Variants in MYO1H observed in about 807,000 individuals in gnomAD.
MYO1H encodes the protein myosin IH, also known as unconventional myosin-Ih.
MYO1H carries 118 observed loss-of-function variants against 149.3 expected under a neutral mutation model. The ratio of observed to expected loss-of-function variants is 0.79; its 90% CI spans 0.68 to 0.92. The LOEUF is 0.92. MYO1H is among the 40% of genes least tolerant of loss of function. The pLI is 0.00. For missense variants in MYO1H, 1,212 were observed against 1,280.7 expected, an observed-to-expected ratio of 0.95 and a Z score of 0.82; for synonymous variants, 447 against 465.2, an observed-to-expected ratio of 0.96 and a Z score of 0.50.
chr12:109,406,107 CCA>C (rs1376908714), intron 8 of MYO1H, 72 bp downstream of exon 8: 1 of 1,067,374 alleles, frequency 9.4e-7, no homozygotes, highest in African/African-American at 1.6e-5. Context: ...AGCTGGGTGC[CCA>C]CAGTTAGGCC....
At chr12:109,321,168 G>A in the MYO1H span, among the ~76,000 whole-genome samples, 1 of 152,130 alleles carries the variant, frequency 6.6e-6, no homozygotes, top group Admixed American at 6.6e-5. Flanking sequence ...GTTCAACTAA[G>A]AATACCACAC....
At chr12:109,371,138 A>G in intron 1 of MYO1H, among the ~76,000 whole-genome samples, 1 of 151,802 alleles carries the variant, frequency 6.6e-6, no homozygotes, top group African/African-American at 2.4e-5. Context: ...TTCCTTGGGC[A>G]TGCTTTTAGG....
the MYO1H span, among the ~76,000 whole-genome samples, chr12:109,333,554 G>A: frequency 4.6e-5 from 7 of 152,200 alleles, no homozygotes; most frequent in Non-Finnish European, 5.9e-5. Context: ...GAGATGAACT[G>A]AGACTGCAAC....
At chr12:109,397,766 A>G (rs759541379) in exon 5 of MYO1H, 17 of 1,612,148 alleles carry the variant, frequency 1.1e-5, no homozygotes, top group Non-Finnish European at 1.4e-5. Flanking sequence ...CGGAATGACA[A>G]CTCCAGCAGA....
chr12:109,416,494 T>C (rs1440163356), intron 15 of MYO1H, among the ~76,000 whole-genome samples: 3 of 152,162 alleles, frequency 2.0e-5, no homozygotes, highest in Non-Finnish European at 4.4e-5. Flanking sequence ...TTCATTCCTT[T>C]TTATTGCCAA....
rs537807782 is a variant in MYO1H at position 109,440,299 on chromosome 12, G to A, written c.2455-445G>A. ...GATCTGTCCGCCTCAGCCTCCCAAA[G>A]TGCTGGGATTACAGGTGCGAGTCAC... is the stretch of plus-strand genomic sequence containing the variant. On this transcript the variant is annotated intron_variant, in intron 24 of 31. Transcript: ENST00000310903. 4.6e-5 allele frequency among the ~76,000 whole-genome samples: 7 copies of A among 152,272 alleles called. No individual in the cohort carries two copies. In the East Asian group the frequency reaches 1.4e-3, roughly 29 times the overall value.
In MYO1H at chr12:109,429,484, CTATT is replaced by C. The variant is rs201602755; in HGVS notation, c.1949+1902_1949+1905del. Among the ~76,000 whole-genome samples, 752 of 152,152 alleles carry C rather than the reference CTATT, an allele frequency of 4.9e-3. 5 individuals carry two copies. Among genetic ancestry groups the C allele is most frequent in the African/African-American group, 0.017 (725 of 41,486 alleles). The stretch of plus-strand genomic sequence containing the variant: ...ATTAAAAAGCAATATAGTCTAATAT[CTATT>C]TATGTAGTATTTACATAGTATTAGG... On this transcript the variant is annotated intron_variant, in intron 19 of 31. Transcript: ENST00000310903.
the MYO1H span, among the ~76,000 whole-genome samples, chr12:109,313,312 A>C: frequency 6.6e-6 from 1 of 152,170 alleles, no homozygotes; most frequent in African/African-American, 2.4e-5. Context: ...CCCCCTCTCC[A>C]AGGTGCATGC....
At chr12:109,328,157 C>CATATATATATATGCGTGTGTGT in the MYO1H span, among the ~76,000 whole-genome samples, 1 of 142,626 alleles carries the variant, frequency 7.0e-6, no homozygotes, top group African/African-American at 2.6e-5. Flanking sequence ...TATATATATG[C>CATATATATATATGCGTGTGTGT]GTGTGTGTGT....
chr12:109,433,896 C>A (rs1433040658), intron 20 of MYO1H, among the ~76,000 whole-genome samples: 1 of 152,222 alleles, frequency 6.6e-6, no homozygotes, highest in Non-Finnish European at 1.5e-5. Context: ...TCACCAGGCA[C>A]CACCCACTGC....
At chr12:109,444,323 A>G in intron 29 of MYO1H, 40 bp downstream of exon 29, 2 of 1,593,000 alleles carry the variant, frequency 1.3e-6, no homozygotes, top group South Asian at 2.2e-5. Context: ...AGACAGAAAC[A>G]ATACACTGCC....
chr12:109,415,797 C>G (rs4766472), intron 15 of MYO1H, among the ~76,000 whole-genome samples, 177 bp downstream of exon 15: 39,851 of 152,020 alleles, frequency 0.26, 5,403 homozygotes, highest in East Asian at 0.35. Flanking sequence ...TAAATAACCA[C>G]TTTATTGAGA....
At chr12:109,430,507 T>C (rs1021991552) in intron 19 of MYO1H, among the ~76,000 whole-genome samples, 2 of 152,162 alleles carry the variant, frequency 1.3e-5, no homozygotes, top group Admixed American at 1.3e-4. Context: ...GTGGAGACCC[T>C]ATCTTCTCCA....
rs776228054 is a variant in MYO1H at position 109,438,529 on chromosome 12, C to T, written c.2210-7C>T. On this transcript the variant is annotated splice_polypyrimidine_tract_variant and splice_region_variant and intron_variant, in intron 22 of 31. Coordinates refer to ENST00000310903, the Ensembl canonical transcript of MYO1H. ...CACCTTCTAATGCCAGCAGTGAACT[C>T]TTTCAGCCATCAAACTGGAAGCCCA... 2 of 1,611,270 alleles carry T rather than the reference C, an allele frequency of 1.2e-6. No homozygotes were observed. The highest frequency in any genetic ancestry group is 2.2e-5 in the South Asian group (2 of 90,530).
chr12:109,315,350 A>G, the MYO1H span, among the ~76,000 whole-genome samples: 1 of 152,202 alleles, frequency 6.6e-6, no homozygotes, highest in Non-Finnish European at 1.5e-5. Context: ...TTATAGGTGC[A>G]TTTATATATA....
intron 1 of MYO1H, among the ~76,000 whole-genome samples, chr12:109,364,590 C>T (rs910868586): frequency 3.2e-4 from 48 of 152,086 alleles, no homozygotes; most frequent in Non-Finnish European, 5.7e-4. Flanking sequence ...TTCCCACGTT[C>T]TTTTTTAAAA....
chr12:109,329,033 C>CTTTTTTTTT, the MYO1H span, among the ~76,000 whole-genome samples: 5 of 132,064 alleles, frequency 3.8e-5, no homozygotes, highest in Non-Finnish European at 6.6e-5. Context: ...TCTTTTTTTT[C>CTTTTTTTTT]TTTTTTTTTT....
chr12:109,312,515 G>A, the MYO1H span, among the ~76,000 whole-genome samples: 1 of 152,118 alleles, frequency 6.6e-6, no homozygotes. Flanking sequence ...GATTACAGGC[G>A]TGAGTCACCA....
At chr12:109,440,031 A>G (rs1412867017) in intron 24 of MYO1H, among the ~76,000 whole-genome samples, 3 of 151,364 alleles carry the variant, frequency 2.0e-5, no homozygotes, top group Admixed American at 6.6e-5. Flanking sequence ...TTGTTTAAAC[A>G]GAGCACTTTT....
Sources: gnomAD v4.1 joint callset for allele counts (sites outside exome capture counted in the v4.1 genomes callset) on GRCh38, gnomAD v4.1.1 for gene constraint, MANE v1.5 for transcripts, NCBI Gene and HGNC (gene_info 2026-07-23, HGNC 2026-07-21) for gene names.